The following CEP250 variants were observed in gnomAD, a reference collection of about 807,000 sequenced individuals.
CEP250 encodes the protein centrosome-associated protein CEP250.
A neutral mutation model predicts 315.7 loss-of-function variants in CEP250; 242 were observed. The ratio of observed to expected loss-of-function variants is 0.77; its 90% confidence interval spans 0.69 to 0.85. CEP250 has a LOEUF of 0.85. CEP250 is among the 40% of genes least tolerant of loss of function. The pLI is 0.00. For missense variants in CEP250, 2,515 were observed against 2,886.4 expected, an observed-to-expected ratio of 0.87 and a Z score of 2.95; for synonymous variants, 1,088 against 1,175.0, an observed-to-expected ratio of 0.93 and a Z score of 1.51.
chr20:35,469,779 G>C, intron 9 of CEP250, 111 bp from the exon 10 acceptor site: 2 of 584,696 alleles, frequency 3.4e-6, no homozygotes, highest in South Asian at 2.5e-5. Flanking sequence ...ATTTGGGGGA[G>C]GCTGCAGTTG....
chr20:35,488,092 G>T (rs905758473), intron 20 of CEP250, among the ~76,000 whole-genome samples: 2 of 152,206 alleles, frequency 1.3e-5, no homozygotes, highest in African/African-American at 4.8e-5. Context: ...GTGTAAAGGT[G>T]GCACTTTGAA....
Position 35,458,370 on chromosome 20 carries a change from G to A in CEP250, c.-231G>A, listed in dbSNP as rs186777281. On this transcript the variant is annotated 5_prime_UTR_variant, in exon 2 of 35. Coordinates refer to ENST00000397527, the MANE Select transcript of CEP250 (RefSeq NM_007186.6). ...CCCTGTCTGATCCTTAGCAAAAGTA[G>A]GAAGGTAGGTCTTGTTCATTTCTGT... is the stretch of plus-strand genomic sequence containing the variant. 6.6e-6 allele frequency: 1 copy of A among 152,198 alleles called. No homozygotes were observed. The highest frequency in any genetic ancestry group is 1.5e-5 in the Non-Finnish European group (1 of 68,024). The allele number at this position is 152,198 out of a possible 1,614,324, so 9.4% of individuals were successfully genotyped here.
Position 35,513,088 on chromosome 20 carries a change from T to C in CEP250, c.*1462T>C, listed in dbSNP as rs1297257586. On this transcript the variant is annotated 3_prime_UTR_variant, in exon 35 of 35. Coordinates refer to ENST00000397527, the MANE Select transcript of CEP250 (RefSeq NM_007186.6). ...GGGGCTGTTCACAGCGACTAGAGCT[T>C]TGTTCCAGAAACCTACACATGCAGC... 6.6e-6 allele frequency: 1 copy of C among 152,166 alleles called. No individual in the cohort carries two copies. Among genetic ancestry groups the C allele is most frequent in the Non-Finnish European group, 1.5e-5 (1 of 68,034 alleles). 9.4% of individuals were successfully genotyped at this position (152,166 alleles called of 1,614,324 possible).
intron 8 of CEP250, 46 bp from the exon 9 acceptor site, chr20:35,467,258 T>C (rs2062906386): frequency 6.3e-7 from 1 of 1,589,034 alleles, no homozygotes; most frequent in Admixed American, 1.7e-5. Context: ...CCACACTCCT[T>C]CCCTGGTTCC....
rs549342721 is a variant in CEP250, at chr20:35,499,253, C to T, written c.3777+537C>T. 2.0e-3 allele frequency among the ~76,000 whole-genome samples: 309 copies of T among 152,210 alleles called. 1 individual carries two copies. Among genetic ancestry groups the T allele is most frequent in the Non-Finnish European group, 3.8e-3 (261 of 68,010 alleles). On this transcript the variant is annotated intron_variant, in intron 27 of 34. Coordinates refer to ENST00000397527, the MANE Select transcript of CEP250 (RefSeq NM_007186.6). The stretch of plus-strand genomic sequence containing the variant: ...TTGTGCCATTGCACTCCAGGTTGAA[C>T]GACAAAAGTGAAACTCCATCTCAAA...
intron 14 of CEP250, chr20:35,474,960 T>C (rs2063128113): frequency 2.3e-6 from 1 of 436,462 alleles, no homozygotes; most frequent in Non-Finnish European, 4.8e-6. Context: ...TAGTGGAAGC[T>C]TGAAGGGCTG....
At position 35,502,914 on chromosome 20, in the gene CEP250, G is replaced by T; in HGVS notation, c.4545G>T (p.Lys1515Asn). The change falls in exon 30 of 35, where the codon AAG (lysine) becomes AAT (asparagine). Residue 1515 changes from lysine to asparagine, a missense_variant. Coordinates refer to ENST00000397527, the MANE Select transcript of CEP250 (RefSeq NM_007186.6). ...VQREQIRELE[K>N]DRETQRNVLE... Reference sequence around the variant, plus strand: ...GGGAGCAGATCAGAGAGCTCGAGAAGGATCGGGAGACTCAGAGGAACGTCT... The same window carrying T: ...GGGAGCAGATCAGAGAGCTCGAGAATGATCGGGAGACTCAGAGGAACGTCT... The T allele has an allele frequency of 2.5e-6, 4 of 1,614,234 alleles. No individual in the cohort carries two copies. The highest frequency in any genetic ancestry group is 3.4e-6 in the Non-Finnish European group (4 of 1,180,046).
intron 9 of CEP250, among the ~76,000 whole-genome samples, chr20:35,468,419 G>A (rs1056840572): frequency 2.8e-4 from 43 of 152,182 alleles, no homozygotes; most frequent in African/African-American, 1.0e-3. Flanking sequence ...TAATGAAGTA[G>A]GTTTTTAAAA....
At chr20:35,507,223 G>C (rs2064211867) in intron 30 of CEP250, among the ~76,000 whole-genome samples, 1 of 152,176 alleles carries the variant, frequency 6.6e-6, no homozygotes, top group African/African-American at 2.4e-5. Context: ...CACCTAGAAA[G>C]TATCTAGCAT....
At chr20:35,505,033 CA>C (rs780631917) in intron 30 of CEP250, 28 bp downstream of exon 30, 98 of 1,552,668 alleles carry the variant, frequency 6.3e-5, no homozygotes, top group Non-Finnish European at 8.4e-5. Flanking sequence ...GAGTAAGGGC[CA>C]GGGGACACAC....
chr20:35,485,111 G>A (rs1381459757), intron 20 of CEP250, among the ~76,000 whole-genome samples: 2 of 149,566 alleles, frequency 1.3e-5, no homozygotes, highest in Non-Finnish European at 3.0e-5. Flanking sequence ...AGTGGCTTAC[G>A]CCTGTAATCC....
At chr20:35,506,411 G>A (rs2064186174) in intron 30 of CEP250, among the ~76,000 whole-genome samples, 1 of 152,206 alleles carries the variant, frequency 6.6e-6, no homozygotes, top group Non-Finnish European at 1.5e-5. Context: ...CAAGCACCGT[G>A]TCTTAGTCAC....
chr20:35,514,450 G>A lies in CEP250; in HGVS notation c.*2824G>A, dbSNP rs1210491442. The A allele has an allele frequency of 6.6e-6, 1 of 152,400 alleles. No individual in the cohort carries two copies. The highest frequency in any genetic ancestry group is 1.5e-5 in the Non-Finnish European group (1 of 68,152). The allele number at this position is 152,400 out of a possible 1,614,324, so 9.4% of individuals were successfully genotyped here. A position where few individuals can be genotyped will look rare whatever the true frequency, so the allele number is the denominator to read the frequency against. On this transcript the variant is annotated 3_prime_UTR_variant, in exon 35 of 35. Coordinates refer to ENST00000397527, the MANE Select transcript of CEP250 (RefSeq NM_007186.6). ...AAGGCCTGAAAGCAGGAGGGGACAAGAGTCGTCAGAGGCTGGGCAATGTTC... is the reference window on the plus strand; with the variant it reads ...AAGGCCTGAAAGCAGGAGGGGACAAAAGTCGTCAGAGGCTGGGCAATGTTC...
At chr20:35,476,944 G>A (rs2146839913) in intron 16 of CEP250, among the ~76,000 whole-genome samples, 1 of 152,224 alleles carries the variant, frequency 6.6e-6, no homozygotes, top group Middle Eastern at 3.4e-3. Context: ...CATCTCCTGG[G>A]TTCAAGCAAT....
At chr20:35,462,833 A>G (rs768466080) in intron 4 of CEP250, among the ~76,000 whole-genome samples, 1 of 152,120 alleles carries the variant, frequency 6.6e-6, no homozygotes, top group East Asian at 1.9e-4. Context: ...ATGATCACAG[A>G]TCGCTGCAGC....
intron 17 of CEP250, 34 bp downstream of exon 17, chr20:35,478,135 G>C: frequency 7.4e-7 from 1 of 1,359,832 alleles, no homozygotes; most frequent in Non-Finnish European, 1.0e-6. Flanking sequence ...TCATGTCTAG[G>C]TGTAATATAT....
intron 8 of CEP250, 58 bp downstream of exon 8, chr20:35,467,130 A>T: frequency 1.1e-6 from 1 of 950,390 alleles, no homozygotes; most frequent in Non-Finnish European, 1.5e-6. Flanking sequence ...GACTAATAAC[A>T]GTGGGCTGCT....
chr20:35,463,616 G>A lies in CEP250; in HGVS notation c.228G>A (p.Arg76=), dbSNP rs780891583. Residue 76 remains arginine, a synonymous_variant, in exon 5 of 35, where the codon CGG becomes CGA. Coordinates refer to ENST00000397527, the MANE Select transcript of CEP250 (RefSeq NM_007186.6). ...YRSWCQELEK[R]LEATGGPIPQ... The stretch of plus-strand genomic sequence containing the variant: ...GCTGGTGCCAAGAGCTGGAGAAGCG[G>A]CTAGAAGCCACTGGAGTGAGTGAGG... 25 of 1,609,082 alleles carry A rather than the reference G, an allele frequency of 1.6e-5. No individual in the cohort carries two copies. Among genetic ancestry groups the A allele is most frequent in the Non-Finnish European group, 1.8e-5 (21 of 1,177,656 alleles).
intron 26 of CEP250, among the ~76,000 whole-genome samples, 190 bp from the exon 27 acceptor site, chr20:35,498,405 C>T (rs978346491): frequency 2.6e-5 from 4 of 152,212 alleles, no homozygotes; most frequent in Non-Finnish European, 4.4e-5. Context: ...TGATAGCTCG[C>T]ATTAATCTAG....
Sources: allele counts gnomAD v4.1 joint callset (sites outside exome capture counted in the v4.1 genomes callset), GRCh38; gene constraint gnomAD v4.1.1; transcripts MANE v1.5; gene names NCBI Gene and HGNC (gene_info 2026-07-23, HGNC 2026-07-21).